SBDS: variants seen among roughly 807,000 people sequenced by gnomAD.
SBDS encodes the protein ribosome maturation protein SBDS.
SBDS carries 20 observed loss-of-function variants against 26.4 expected under a neutral mutation model. That is an observed-to-expected ratio of 0.76 (90% CI 0.53 to 1.10). The LOEUF (loss-of-function observed/expected upper bound fraction) is 1.10, where lower values mean the gene tolerates loss of function less well. Ranked by LOEUF, SBDS falls within the 50% of genes least tolerant of loss-of-function variation. The probability of loss-of-function intolerance (pLI) is 0.00; values close to 1 mark genes in which losing one functional copy is unlikely to be tolerated. For missense variants in SBDS, 241 were observed against 302.0 expected (o/e 0.80, Z 1.50); for synonymous variants, 95 against 105.1 (o/e 0.90, Z 0.59).
At chr7:66,994,536 C>G (rs1007820528) in intron 1 of SBDS, among the ~76,000 whole-genome samples, 195 bp from the exon 2 acceptor site, 1 of 150,756 alleles carries the variant, frequency 6.6e-6, no homozygotes, top group Non-Finnish European at 1.5e-5. Context: ...CTGTTTTTGC[C>G]CAGGCTGGAG....
chr7:66,988,883 C>T (rs1032138278), intron 4 of SBDS, among the ~76,000 whole-genome samples: 1 of 152,086 alleles, frequency 6.6e-6, no homozygotes, highest in African/African-American at 2.4e-5. Flanking sequence ...CTTATGTAGA[C>T]ACCATGTGTA....
intron 3 of SBDS, among the ~76,000 whole-genome samples, chr7:66,992,219 C>T (rs1207763418): frequency 6.6e-6 from 1 of 151,964 alleles, no homozygotes; most frequent in Non-Finnish European, 1.5e-5. Context: ...CATGTATGAA[C>T]CATGAAAAGG....
Position 66,993,364 on chromosome 7 carries a change from C to A in SBDS, c.312G>T (p.Leu104=). 1 of 1,614,104 alleles carries A rather than the reference C, an allele frequency of 6.2e-7. No individual in the cohort carries two copies. Among genetic ancestry groups the A allele is most frequent in the Non-Finnish European group, 8.5e-7 (1 of 1,180,000 alleles). Residue 104 remains leucine (L), a synonymous_variant, in exon 3 of 5, where the codon CTG becomes CTT. Transcript: ENST00000246868. ...TTGCAATGTCCCTAAACATCTGCTC[C>A]AGTTGTGTGTGTCTTTCTTTATCTG... ...QVSDKERHTQ[L]EQMFRDIATI... is the part of the protein sequence containing the mutation.
At position 66,991,322 on chromosome 7, in the gene SBDS, A is replaced by G. The variant is rs763239498; in HGVS notation, c.460-21T>C. ...AAAGCCTACCAAGACAAAATCGAGAATGCAATTTCTTCTACTATATTATTT... is the reference window on the plus strand; with the variant it reads ...AAAGCCTACCAAGACAAAATCGAGAGTGCAATTTCTTCTACTATATTATTT... On this transcript the variant is annotated intron_variant, in intron 3 of 4. Coordinates refer to ENST00000246868, the MANE Select transcript of SBDS (RefSeq NM_016038.4). 1.1e-5 allele frequency: 18 copies of G among 1,587,430 alleles called. No individual in the cohort carries two copies. In the East Asian group the frequency reaches 3.6e-4, roughly 32 times the overall value.
rs148903573 is a variant in SBDS, at chr7:66,993,587, C to G, written c.259-170G>C. On this transcript the variant is annotated intron_variant, in intron 2 of 4. Transcript: ENST00000246868. ...AGCTTTGCCCAAAAGATGCAAGAAT[C>G]TTTTGGCTGGGCTCAGTGGCTCACA... Among the ~76,000 whole-genome samples the G allele has an allele frequency of 3.3e-3, 504 of 152,200 alleles. 6 individuals carry two copies. The highest frequency in any genetic ancestry group is 3.7e-3 in the Non-Finnish European group (255 of 68,012).
rs966748906 is a variant in SBDS at position 66,993,508 on chromosome 7, GAGAGAAAA to G, written c.259-99_259-92del. 4.9e-6 allele frequency: 5 copies of G among 1,013,418 alleles called. No homozygotes were observed. In the African/African-American group the frequency reaches 6.4e-5, roughly 13 times the overall value. The allele number at this position is 1,013,418 out of a possible 1,614,324, so 62.8% of individuals were successfully genotyped here. A position where few individuals can be genotyped will look rare whatever the true frequency, so the allele number is the denominator to read the frequency against. ...ACCATAAAAAATGAGTAACTGGATG[GAGAGAAAA>G]TTAAATTTCATCCTCTCCAGCTATC... On this transcript the variant is annotated intron_variant, in intron 2 of 4. Transcript: ENST00000246868.
chr7:66,987,993 C>A lies in SBDS; in HGVS notation c.*378G>T. 1 of 263,040 alleles carries A rather than the reference C, an allele frequency of 3.8e-6. No homozygotes were observed. Among genetic ancestry groups the A allele is most frequent in the South Asian group, 8.3e-5 (1 of 12,082 alleles). The allele number at this position is 263,040 out of a possible 1,614,324, so 16.3% of individuals were successfully genotyped here. A position where few individuals can be genotyped will look rare whatever the true frequency, so the allele number is the denominator to read the frequency against. On this transcript the variant is annotated 3_prime_UTR_variant, in exon 5 of 5. Transcript: ENST00000246868. ...TATGTTTTCTTTTTTAGGAAAGACCCCCCCTTTTGTTGTATAGACATACCC... is the reference window on the plus strand; with the variant it reads ...TATGTTTTCTTTTTTAGGAAAGACCACCCCTTTTGTTGTATAGACATACCC...
At chr7:66,992,348 T>C (rs6957031) in intron 3 of SBDS, among the ~76,000 whole-genome samples, 34,097 of 152,010 alleles carry the variant, frequency 0.22, 4,140 homozygotes, top group South Asian at 0.3. Flanking sequence ...TACTAATGGA[T>C]ACTGACTTTC....
intron 1 of SBDS, 88 bp downstream of exon 1, chr7:66,995,202 G>A: frequency 1.9e-6 from 3 of 1,570,048 alleles, no homozygotes; most frequent in Non-Finnish European, 2.6e-6. Context: ...CCCCAGCCTG[G>A]CCCATTCACT....
chr7:66,993,203 G>A lies in SBDS; in HGVS notation c.459+14C>T. Reference sequence around the variant, plus strand: ...TTCCATGGCTATATTTTGATGACATGAGAAACCACTCACCTGCTGTTTTGT... The same window carrying A: ...TTCCATGGCTATATTTTGATGACATAAGAAACCACTCACCTGCTGTTTTGT... On this transcript the variant is annotated intron_variant, in intron 3 of 4. Coordinates refer to ENST00000246868, the MANE Select transcript of SBDS (RefSeq NM_016038.4). 6.2e-7 allele frequency: 1 copy of A among 1,609,276 alleles called. No homozygotes were observed. Among genetic ancestry groups the A allele is most frequent in the South Asian group, 1.1e-5 (1 of 90,950 alleles).
At chr7:66,994,763 A>G (rs1266714863) in intron 1 of SBDS, among the ~76,000 whole-genome samples, 1 of 152,164 alleles carries the variant, frequency 6.6e-6, no homozygotes, top group Non-Finnish European at 1.5e-5. Flanking sequence ...AACATTTTCA[A>G]AACTCAGAAC....
At chr7:66,990,012 A>G (rs985716038) in intron 4 of SBDS, among the ~76,000 whole-genome samples, 2 of 149,366 alleles carry the variant, frequency 1.3e-5, no homozygotes, top group African/African-American at 4.9e-5. Context: ...CATCATTCAG[A>G]ATTCAATCTT....
intron 1 of SBDS, 75 bp downstream of exon 1, chr7:66,995,215 A>C: frequency 6.3e-7 from 1 of 1,599,582 alleles, no homozygotes; most frequent in East Asian, 2.2e-5. Flanking sequence ...CATTCACTCG[A>C]CTTGGGCAGA....
chr7:66,988,421 C>T lies in SBDS; in HGVS notation c.703G>A (p.Glu235Lys), dbSNP rs1792912172. ...KKETKGKGSL[E>K]VLNLKDVEEG... Reference sequence around the variant, plus strand: ...TCTACATCTTTCAGATTGAGTACTTCCAAAGAACCTTTGCCTTTAGTTTCC... The same window carrying T: ...TCTACATCTTTCAGATTGAGTACTTTCAAAGAACCTTTGCCTTTAGTTTCC... Residue 235 changes from glutamate (E) to lysine (K), a missense_variant, in exon 5 of 5, where the codon GAA (glutamate) becomes AAA (lysine). By Grantham distance (56) the Glu-to-Lys change is moderately conservative. Transcript: ENST00000246868. 1 of 1,613,730 alleles carries T rather than the reference C, an allele frequency of 6.2e-7. No individual in the cohort carries two copies. Among genetic ancestry groups the T allele is most frequent in the African/African-American group, 1.3e-5 (1 of 74,910 alleles).
At position 66,994,329 on chromosome 7, in the gene SBDS, G is replaced by A. The variant is rs113993989; in HGVS notation, c.141C>T (p.Leu47=). 4.5e-3 allele frequency: 7,286 copies of A among 1,612,664 alleles called. 45 individuals are homozygous for A. The highest frequency in any genetic ancestry group is 0.026 in the East Asian group (1,166 of 44,834). ...CTGAGTGGGTCTGCAGAACTTCATC[G>A]AGGTCTTTTTCCCTTGTGAGGGCAG... The part of the protein sequence containing the change: ...VGWRSGVEKD[L]DEVLQTHSVF... Residue 47 remains leucine, a synonymous_variant, in exon 2 of 5, where the codon CTC becomes CTT. Transcript: ENST00000246868.
rs1792904910 is a variant in SBDS at position 66,988,069 on chromosome 7, C to T, written c.*302G>A. Reference sequence around the variant, plus strand: ...ATAACTTTTCACCCACAAGAGCTGCCTCAAGTAACTTTCATTTTGGAAAGC... The same window carrying T: ...ATAACTTTTCACCCACAAGAGCTGCTTCAAGTAACTTTCATTTTGGAAAGC... On this transcript the variant is annotated 3_prime_UTR_variant, in exon 5 of 5. Transcript: ENST00000246868. 2.3e-6 allele frequency: 1 copy of T among 429,192 alleles called. No individual in the cohort carries two copies. Among genetic ancestry groups the T allele is most frequent in the African/African-American group, 2.0e-5 (1 of 50,674 alleles). 26.6% of individuals were successfully genotyped at this position (429,192 alleles called of 1,614,324 possible).
rs1584439249 is a variant in SBDS at position 66,995,520 on chromosome 7, C to T, written c.-103G>A. The stretch of plus-strand genomic sequence containing the variant: ...GCGGTAACGACCGATCGGCGCGCGG[C>T]ACTGACCCAACCACCAGTGCGCGGC... On this transcript the variant is annotated 5_prime_UTR_variant, in exon 1 of 5. Coordinates refer to ENST00000246868, the MANE Select transcript of SBDS (RefSeq NM_016038.4). The T allele has an allele frequency of 6.4e-7, 1 of 1,564,098 alleles. No homozygotes were observed. Among genetic ancestry groups the T allele is most frequent in the East Asian group, 2.3e-5 (1 of 43,902 alleles).
chr7:66,990,938 A>G, intron 4 of SBDS, 199 bp downstream of exon 4: 1 of 434,796 alleles, frequency 2.3e-6, no homozygotes, highest in South Asian at 2.2e-5. Flanking sequence ...AATGGCGTGT[A>G]CCCGGGAGGC....
At position 66,995,433 on chromosome 7, in the gene SBDS, A is replaced by T. The variant is rs182989808; in HGVS notation, c.-16T>A. Reference sequence around the variant, plus strand: ...AGATCGACATCGCGGCTGTTCAAAGACCCAGAAGCCGGCGAACCAGGGCTG... The same window carrying T: ...AGATCGACATCGCGGCTGTTCAAAGTCCCAGAAGCCGGCGAACCAGGGCTG... On this transcript the variant is annotated 5_prime_UTR_variant, in exon 1 of 5. Transcript: ENST00000246868. 7.7e-4 allele frequency: 1,235 copies of T among 1,613,100 alleles called. No homozygotes were observed. The highest frequency in any genetic ancestry group is 8.7e-4 in the Non-Finnish European group (1,021 of 1,179,974).
Sources: gnomAD v4.1 joint callset for allele counts (sites outside exome capture counted in the v4.1 genomes callset) on GRCh38, gnomAD v4.1.1 for gene constraint, MANE v1.5 for transcripts, NCBI Gene and HGNC (gene_info 2026-07-23, HGNC 2026-07-21) for gene names.